Variants in BICRAL observed in about 807,000 individuals in gnomAD.
BICRAL encodes BICRA like chromatin remodeling complex associated protein.
BICRAL carries 8 observed loss-of-function variants against 91.8 expected under a neutral mutation model. The ratio of observed to expected loss-of-function variants is 0.09; its 90% CI spans 0.05 to 0.16. The LOEUF (loss-of-function observed/expected upper bound fraction) is 0.16, where lower values mean the gene tolerates loss of function less well. BICRAL is among the 10% of genes least tolerant of loss of function. The pLI, the probability that BICRAL is intolerant of heterozygous loss-of-function variation, is 1.00. For synonymous variants in BICRAL, 445 were observed against 491.1 expected (o/e 0.91, Z 1.24); for missense variants, 1,038 against 1,310.9 (o/e 0.79, Z 3.21).
At chr6:42,778,787 G>A (rs1026940245), upstream of BICRAL, among the ~76,000 whole-genome samples, 1 of 151,952 alleles carries the variant, frequency 6.6e-6, no homozygotes, top group Non-Finnish European at 1.5e-5. Flanking sequence ...TCAAAACCCA[G>A]GGGGCAACAA....
At chr6:42,795,594 C>T (rs960145773) in intron 1 of BICRAL, among the ~76,000 whole-genome samples, 2 of 152,142 alleles carry the variant, frequency 1.3e-5, no homozygotes, top group Admixed American at 1.3e-4. Flanking sequence ...TTGAGCTTGA[C>T]TCTCAAGCAT....
At chr6:42,784,938 A>C (rs1018191943) in intron 1 of BICRAL, among the ~76,000 whole-genome samples, 1 of 152,174 alleles carries the variant, frequency 6.6e-6, no homozygotes, top group Non-Finnish European at 1.5e-5. Context: ...TTCCAGTGAC[A>C]CAGACACACG....
Position 42,860,270 on chromosome 6 carries a change from G to T in BICRAL, c.2263G>T (p.Glu755Ter). 6.3e-7 allele frequency: 1 copy of T among 1,590,562 alleles called. No individual in the cohort carries two copies. Among genetic ancestry groups the T allele is most frequent in the South Asian group, 1.1e-5 (1 of 90,386 alleles). The change falls in exon 11 of 13, where the codon GAA becomes TAA. Residue 755 changes from glutamate to a stop codon, truncating the protein, a stop_gained. Coordinates refer to ENST00000314073, the MANE Select transcript of BICRAL (RefSeq NM_001393499.1). LOFTEE classifies it high-confidence loss of function. The stretch of plus-strand genomic sequence containing the variant: ...TCTCTCTCTTTTTAAAGTGGACAAT[G>T]AATTTGAGACAGTTGCCACTCAGCT... The part of the protein sequence containing the change: ...TEEDLRKVDN[E>*]FETVATQLLK...
intron 6 of BICRAL, among the ~76,000 whole-genome samples, chr6:42,836,367 A>G (rs933925563): frequency 2.0e-5 from 3 of 152,138 alleles, no homozygotes; most frequent in African/African-American, 4.8e-5. Flanking sequence ...AAAGAAGCCT[A>G]CACTAGCAGC....
At chr6:42,844,013 A>G (rs1764899468) in intron 6 of BICRAL, among the ~76,000 whole-genome samples, 2 of 145,450 alleles carry the variant, frequency 1.4e-5, no homozygotes, top group South Asian at 4.4e-4. Flanking sequence ...CGTGTTGGTC[A>G]GGCTGGTCTC....
upstream of BICRAL, among the ~76,000 whole-genome samples, chr6:42,780,926 A>G (rs1762890848): frequency 1.3e-5 from 2 of 152,070 alleles, no homozygotes; most frequent in South Asian, 2.1e-4. Context: ...TAGTAGAGAC[A>G]GGGTTTCACC....
intron 6 of BICRAL, among the ~76,000 whole-genome samples, chr6:42,841,685 A>G (rs1181201732): frequency 1.3e-5 from 2 of 152,158 alleles, no homozygotes; most frequent in Non-Finnish European, 2.9e-5. Context: ...AAATGATTTG[A>G]AAATGTCTCC....
At chr6:42,843,948 G>A (rs1448595289) in intron 6 of BICRAL, among the ~76,000 whole-genome samples, 3 of 149,872 alleles carry the variant, frequency 2.0e-5, no homozygotes, top group Non-Finnish European at 3.0e-5. Flanking sequence ...ACAGGTGCGC[G>A]TCACCATGCC....
intron 6 of BICRAL, among the ~76,000 whole-genome samples, chr6:42,851,770 T>TG (rs1368779967): frequency 8.5e-5 from 13 of 152,254 alleles, no homozygotes; most frequent in South Asian, 2.1e-4. Flanking sequence ...ATAAGGTTAC[T>TG]GGGGGTAGAA....
intron 1 of BICRAL, among the ~76,000 whole-genome samples, chr6:42,793,072 A>C (rs1219180631): frequency 1.4e-5 from 2 of 138,268 alleles, no homozygotes; most frequent in African/African-American, 5.3e-5. Flanking sequence ...CTTGTGCCTC[A>C]GCCTCCCCAG....
At chr6:42,770,573 C>A (rs1349203153) in intron 1 of BICRAL, among the ~76,000 whole-genome samples, 3 of 151,950 alleles carry the variant, frequency 2.0e-5, no homozygotes, top group Admixed American at 6.6e-5. Flanking sequence ...TGCCACCATA[C>A]CCAGCTAATT....
At chr6:42,825,801 A>G (rs910290043) in intron 5 of BICRAL, among the ~76,000 whole-genome samples, 6 of 145,466 alleles carry the variant, frequency 4.1e-5, no homozygotes, top group Non-Finnish European at 9.0e-5. Context: ...ATTAAGATAC[A>G]TATTTTGGCC....
intron 1 of BICRAL, among the ~76,000 whole-genome samples, chr6:42,750,566 T>G (rs1430176926): frequency 1.3e-5 from 2 of 152,120 alleles, no homozygotes; most frequent in Non-Finnish European, 2.9e-5. Flanking sequence ...CATCTGATTA[T>G]CCCATAATAT....
intron 2 of BICRAL, among the ~76,000 whole-genome samples, chr6:42,820,011 G>A (rs781348741): frequency 6.6e-5 from 10 of 152,296 alleles, no homozygotes; most frequent in Admixed American, 5.2e-4. Flanking sequence ...TATTATAAAA[G>A]TGTTCTGTTT....
chr6:42,767,518 C>T lies in BICRAL; in HGVS notation c.-260-14321C>T, dbSNP rs74588964. 9.7e-3 allele frequency among the ~76,000 whole-genome samples: 1,483 copies of T among 152,276 alleles called. 21 individuals carry two copies. Among genetic ancestry groups the T allele is most frequent in the African/African-American group, 0.034 (1,410 of 41,562 alleles). Reference sequence around the variant, plus strand: ...CACTTGTCCATGCCACCCTGACTGACTTTAATCCAGTGGGTGTTTGTTGAG... The same window carrying T: ...CACTTGTCCATGCCACCCTGACTGATTTTAATCCAGTGGGTGTTTGTTGAG... On this transcript the variant is annotated intron_variant, in intron 1 of 14. Transcript: ENST00000614467.
rs535835635 is a variant in BICRAL, at chr6:42,859,088, G to A, written c.2255-1174G>A. On this transcript the variant is annotated intron_variant, in intron 10 of 12. Coordinates refer to ENST00000314073, the MANE Select transcript of BICRAL (RefSeq NM_001393499.1). ...CCAAGGAATAGGGTCAAGATCCAGC[G>A]TTAAACAGGGGGTGTGAAAGGGCTG... Among the ~76,000 whole-genome samples, 209 of 151,918 alleles carry A rather than the reference G, an allele frequency of 1.4e-3. 1 individual carries two copies. The highest frequency in any genetic ancestry group is 3.5e-3 in the African/African-American group (144 of 41,382).
intron 1 of BICRAL, among the ~76,000 whole-genome samples, chr6:42,749,547 C>T (rs1762342377): frequency 6.6e-6 from 1 of 151,980 alleles, no homozygotes; most frequent in East Asian, 1.9e-4. Flanking sequence ...GAAATGTTCC[C>T]AACACAAAGA....
chr6:42,837,054 C>T (rs1764662721), intron 6 of BICRAL, among the ~76,000 whole-genome samples: 1 of 152,012 alleles, frequency 6.6e-6, no homozygotes, highest in Non-Finnish European at 1.5e-5. Flanking sequence ...AAGCGATTCT[C>T]CTGCCTCAGC....
At chr6:42,813,343 G>GA (rs1468562250) in intron 2 of BICRAL, among the ~76,000 whole-genome samples, 1 of 151,702 alleles carries the variant, frequency 6.6e-6, no homozygotes, top group African/African-American at 2.4e-5. Flanking sequence ...GTGTCCAGAG[G>GA]AAAAAATGAC....
Sources: allele counts gnomAD v4.1 joint callset (sites outside exome capture counted in the v4.1 genomes callset), GRCh38; gene constraint gnomAD v4.1.1; transcripts MANE v1.5; gene names NCBI Gene and HGNC (gene_info 2026-07-23, HGNC 2026-07-21).